Variants in ABHD10 observed in about 807,000 individuals in gnomAD.
ABHD10 encodes palmitoyl-protein thioesterase ABHD10, mitochondrial.
Under a neutral mutation model 33.1 loss-of-function variants are expected in ABHD10, and 22 were observed. That is an observed-to-expected ratio of 0.66 (90% CI 0.47 to 0.95). The LOEUF (loss-of-function observed/expected upper bound fraction) is 0.95. Ranked by LOEUF, ABHD10 falls within the 40% of genes least tolerant of loss-of-function variation. ABHD10 has a pLI of 0.00. For missense variants in ABHD10, 352 were observed against 379.9 expected (o/e 0.93, Z 0.61); for synonymous variants, 146 against 133.9 (o/e 1.09, Z -0.62).
intron 2 of ABHD10, among the ~76,000 whole-genome samples, chr3:111,984,042 A>T (rs2107710636): frequency 6.6e-6 from 1 of 152,268 alleles, no homozygotes; most frequent in Non-Finnish European, 1.5e-5. Flanking sequence ...AGTATTTTGC[A>T]TCCTCACCAT....
chr3:111,979,295 C>A, intron 1 of ABHD10, 92 bp downstream of exon 1: 1 of 1,416,944 alleles, frequency 7.1e-7, no homozygotes, highest in Non-Finnish European at 9.4e-7. Context: ...CTTTGGCGCC[C>A]GGTTCAAAAA....
In ABHD10 at chr3:111,981,772, T is replaced by C; in HGVS notation, c.143-12T>C. The C allele has an allele frequency of 6.6e-7, 1 of 1,520,836 alleles. No homozygotes were observed. Among genetic ancestry groups the C allele is most frequent in the Non-Finnish European group, 8.9e-7 (1 of 1,121,934 alleles). 94.2% of individuals were successfully genotyped at this position (1,520,836 alleles called of 1,614,324 possible). On this transcript the variant is annotated splice_polypyrimidine_tract_variant and intron_variant, in intron 1 of 4. Coordinates refer to ENST00000273359, the MANE Select transcript of ABHD10 (RefSeq NM_018394.4). ...TACAAACCATAGTTTACTTTTTGTGTACTTTGTTTAGCTTGTAGACAAAAG... is the reference window on the plus strand; with the variant it reads ...TACAAACCATAGTTTACTTTTTGTGCACTTTGTTTAGCTTGTAGACAAAAG...
At chr3:111,980,578 T>TA (rs1185754451) in intron 1 of ABHD10, among the ~76,000 whole-genome samples, 1 of 152,144 alleles carries the variant, frequency 6.6e-6, no homozygotes, top group African/African-American at 2.4e-5. Flanking sequence ...ATGACTCTTT[T>TA]AAAAAAATAT....
chr3:111,991,666 T>C lies in ABHD10; in HGVS notation c.866T>C (p.Leu289Pro), dbSNP rs777559680. The change falls in exon 5 of 5, where the codon CTT becomes CCT. Residue 289 changes from leucine to proline, a missense_variant. Leu to Pro is a moderately conservative substitution (Grantham distance 98). Transcript: ENST00000273359. ...ATGAGGGAAAAAGCAGACATTCAAC[T>C]TCTTGTTTACACTATTGATGACTTA... Reference protein sequence around the residue: ...HRMREKADIQLLVYTIDDLID... With the variant: ...HRMREKADIQPLVYTIDDLID... 65 of 1,613,962 alleles carry C rather than the reference T, an allele frequency of 4.0e-5. No homozygotes were observed. The Middle Eastern group carries it at 4.9e-4, about 12-fold the overall frequency.
chr3:111,986,292 G>T lies in ABHD10; in HGVS notation c.355G>T (p.Asp119Tyr), dbSNP rs2072660420. Residue 119 changes from aspartate (D) to tyrosine (Y), a missense_variant, in exon 3 of 5, where the codon GAT becomes TAT. Physicochemically the swap from Asp to Tyr is radical, Grantham distance 160. Transcript: ENST00000273359. Reference protein sequence around the residue: ...RFDYSGVGSSDGNSEESTLGK... With the variant: ...RFDYSGVGSSYGNSEESTLGK... ...TGATTACTCAGGAGTTGGAAGTTCA[G>T]ATGGTAACTCAGAGGAAAGCACACT... 1 of 1,613,822 alleles carries T rather than the reference G, an allele frequency of 6.2e-7. No individual in the cohort carries two copies. Among genetic ancestry groups the T allele is most frequent in the Non-Finnish European group, 8.5e-7 (1 of 1,179,828 alleles).
chr3:111,992,705 C>G lies in ABHD10; in HGVS notation c.*984C>G, dbSNP rs2072757318. On this transcript the variant is annotated 3_prime_UTR_variant, in exon 5 of 5. Coordinates refer to ENST00000273359, the MANE Select transcript of ABHD10 (RefSeq NM_018394.4). ...CTTGATTAGGTTATTATCTGTCAAA[C>G]CTTTTAAGTTGACAACATGACTCAT... 1 of 151,978 alleles carries G rather than the reference C, an allele frequency of 6.6e-6. No individual in the cohort carries two copies. The highest frequency in any genetic ancestry group is 2.4e-5 in the African/African-American group (1 of 41,378). 9.4% of individuals were successfully genotyped at this position (151,978 alleles called of 1,614,324 possible). A position where few individuals can be genotyped will look rare whatever the true frequency, so the allele number is the denominator to read the frequency against.
rs1422493656 is a variant in ABHD10 at position 111,991,669 on chromosome 3, T to A, written c.869T>A (p.Leu290His). ...RMREKADIQLLVYTIDDLIDK... is the reference protein window; with the variant it reads ...RMREKADIQLHVYTIDDLIDK... ...AGGGAAAAAGCAGACATTCAACTTCTTGTTTACACTATTGATGACTTAATT... is the reference window on the plus strand; with the variant it reads ...AGGGAAAAAGCAGACATTCAACTTCATGTTTACACTATTGATGACTTAATT... The change falls in exon 5 of 5, where the codon CTT becomes CAT. Residue 290 changes from leucine (L) to histidine (H), a missense_variant. Coordinates refer to ENST00000273359, the MANE Select transcript of ABHD10 (RefSeq NM_018394.4). 2 of 1,614,074 alleles carry A rather than the reference T, an allele frequency of 1.2e-6. No individual in the cohort carries two copies. Among genetic ancestry groups the A allele is most frequent in the Non-Finnish European group, 1.7e-6 (2 of 1,179,946 alleles).
chr3:111,986,997 T>G lies in ABHD10; in HGVS notation c.522T>G (p.Gly174=), dbSNP rs1457496198. The G allele has an allele frequency of 8.1e-6, 13 of 1,613,304 alleles. No individual in the cohort carries two copies. In the South Asian group the frequency reaches 1.3e-4, roughly 16 times the overall value. ...CAGAGAAGGTCGTGGCTCTTATTGG[T>G]GTAGCTACAGCTGCAGATACCTTAG... ...ARPEKVVALI[G]VATAADTLVT... is the part of the protein sequence containing the mutation. The change falls in exon 4 of 5, where the codon GGT becomes GGG. Residue 174 remains glycine (G), a synonymous_variant. Transcript: ENST00000273359.
intron 2 of ABHD10, among the ~76,000 whole-genome samples, chr3:111,983,717 G>A (rs377587534): frequency 3.9e-5 from 6 of 152,154 alleles, no homozygotes; most frequent in East Asian, 3.9e-4. Flanking sequence ...ATGACTATAT[G>A]AAAATGTTTT....
At chr3:111,986,463 T>G (rs2072663136) in intron 3 of ABHD10, 88 bp downstream of exon 3, 547 of 861,940 alleles carry the variant, frequency 6.3e-4, no homozygotes, top group Non-Finnish European at 9.5e-4. Context: ...TGAGATGGAG[T>G]CTCGTGCTGT....
At chr3:111,989,789 CAT>C (rs2072719283) in intron 4 of ABHD10, among the ~76,000 whole-genome samples, 6 of 150,006 alleles carry the variant, frequency 4.0e-5, no homozygotes, top group Admixed American at 4.0e-4. Flanking sequence ...CATTTGGAGA[CAT>C]ATTTAGAAGT....
intron 2 of ABHD10, among the ~76,000 whole-genome samples, chr3:111,985,283 A>G (rs1008269298): frequency 6.6e-6 from 1 of 152,210 alleles, no homozygotes; most frequent in Non-Finnish European, 1.5e-5. Flanking sequence ...TTATACCACC[A>G]TGATTTTTTA....
In ABHD10 at chr3:111,986,969, G is replaced by T. The variant is rs145014452; in HGVS notation, c.494G>T (p.Arg165Leu). Residue 165 changes from arginine (R) to leucine (L), a missense_variant, in exon 4 of 5, where the codon CGA (arginine) becomes CTA (leucine). Transcript: ENST00000273359. ...GWLMLHAAIA[R>L]PEKVVALIGV... ...CTTATGCTTCATGCTGCAATTGCAC[G>T]ACCAGAGAAGGTCGTGGCTCTTATT... The T allele has an allele frequency of 8.7e-6, 14 of 1,612,690 alleles. No individual in the cohort carries two copies. The South Asian group carries it at 1.4e-4, about 17-fold the overall frequency.
At position 111,992,883 on chromosome 3, in the gene ABHD10, G is replaced by T. The variant is rs1230575286; in HGVS notation, c.*1162G>T. ...AAAAATGTTGAGATAAAATTGCTGT[G>T]CAGAAAAAAGTGTTAATGAAGCCGA... On this transcript the variant is annotated 3_prime_UTR_variant, in exon 5 of 5. Coordinates refer to ENST00000273359, the MANE Select transcript of ABHD10 (RefSeq NM_018394.4). 1 of 152,116 alleles carries T rather than the reference G, an allele frequency of 6.6e-6. No individual in the cohort carries two copies. Among genetic ancestry groups the T allele is most frequent in the Non-Finnish European group, 1.5e-5 (1 of 68,022 alleles). 9.4% of individuals were successfully genotyped at this position (152,116 alleles called of 1,614,324 possible).
chr3:111,992,229 T>TAC lies in ABHD10; in HGVS notation c.*509_*510insCA, dbSNP rs2072750072. On this transcript the variant is annotated 3_prime_UTR_variant, in exon 5 of 5. Coordinates refer to ENST00000273359, the MANE Select transcript of ABHD10 (RefSeq NM_018394.4). ...AATACTTTATATAATGTATAAAGTA[T>TAC]ATATAATATAATATATATGTTATAT... 1 of 140,628 alleles carries TAC rather than the reference T, an allele frequency of 7.1e-6. No individual in the cohort carries two copies. Among genetic ancestry groups the TAC allele is most frequent in the Non-Finnish European group, 1.6e-5 (1 of 64,240 alleles). 8.7% of individuals were successfully genotyped at this position (140,628 alleles called of 1,614,324 possible).
At chr3:111,989,805 G>GTT (rs138445944) in intron 4 of ABHD10, among the ~76,000 whole-genome samples, 48 of 148,430 alleles carry the variant, frequency 3.2e-4, no homozygotes, top group African/African-American at 7.6e-4. Context: ...TAGAAGTACA[G>GTT]TTTTTTTTTT....
At chr3:111,989,063 T>C (rs953332621) in intron 4 of ABHD10, among the ~76,000 whole-genome samples, 6 of 152,222 alleles carry the variant, frequency 3.9e-5, no homozygotes, top group Admixed American at 6.5e-5. Flanking sequence ...CTTAAAAGCA[T>C]GTATAAGGAA....
At chr3:111,979,333 G>T (rs1204078817) in intron 1 of ABHD10, 130 bp downstream of exon 1, 12 of 1,124,334 alleles carry the variant, frequency 1.1e-5, no homozygotes, top group Non-Finnish European at 1.5e-5. Context: ...CAACACCCCA[G>T]TTCTAGGCGC....
chr3:111,985,489 A>T (rs1466519369), intron 2 of ABHD10, among the ~76,000 whole-genome samples: 1 of 152,216 alleles, frequency 6.6e-6, no homozygotes, highest in Non-Finnish European at 1.5e-5. Context: ...GGCACTAGGA[A>T]CGCATTGAAA....
Sources: gnomAD v4.1 joint callset for allele counts (sites outside exome capture counted in the v4.1 genomes callset) on GRCh38, gnomAD v4.1.1 for gene constraint, MANE v1.5 for transcripts, NCBI Gene and HGNC (gene_info 2026-07-23, HGNC 2026-07-21) for gene names.